Variants in IQSEC1 observed in about 807,000 individuals in gnomAD.
IQSEC1 encodes the protein IQ motif and Sec7 domain ArfGEF 1.
Under a neutral mutation model 91.0 loss-of-function variants are expected in IQSEC1, and 31 were observed. The ratio of observed to expected loss-of-function variants is 0.34; its 90% CI spans 0.26 to 0.46. The LOEUF is 0.46. Among genes scored for constraint, IQSEC1 ranks in the 20% least tolerant of loss-of-function variants. IQSEC1 has a pLI of 1.00. For missense variants in IQSEC1, 1,388 were observed against 1,575.6 expected, an observed-to-expected ratio of 0.88 and a Z score of 2.02; for synonymous variants, 699 against 662.6, an observed-to-expected ratio of 1.05 and a Z score of -0.84.
At chr3:13,128,091 A>G (rs1449529461) in intron 2 of IQSEC1, among the ~76,000 whole-genome samples, 3 of 152,122 alleles carry the variant, frequency 2.0e-5, no homozygotes, top group East Asian at 1.9e-4. Context: ...TTTTCATTGT[A>G]GATAATTGTG....
At chr3:12,965,866 T>A (rs1390049284) in intron 1 of IQSEC1, among the ~76,000 whole-genome samples, 5 of 152,170 alleles carry the variant, frequency 3.3e-5, no homozygotes, top group Non-Finnish European at 7.3e-5. Flanking sequence ...TGTTCCCCAC[T>A]AGACTGCTGG....
chr3:13,035,234 C>T (rs1703991640), intron 1 of IQSEC1, among the ~76,000 whole-genome samples: 1 of 152,238 alleles, frequency 6.6e-6, no homozygotes, highest in African/African-American at 2.4e-5. Flanking sequence ...CCCCTGACCT[C>T]CTAAGAGTGG....
intron 1 of IQSEC1, among the ~76,000 whole-genome samples, chr3:13,041,826 G>T (rs1401834576): frequency 2.6e-5 from 4 of 152,228 alleles, no homozygotes; most frequent in Admixed American, 2.6e-4. Context: ...GAAAGGGACT[G>T]AACTTCGGGC....
At chr3:13,217,462 G>A (rs1694572451) in intron 1 of IQSEC1, among the ~76,000 whole-genome samples, 2 of 152,168 alleles carry the variant, frequency 1.3e-5, no homozygotes, top group African/African-American at 2.4e-5. Flanking sequence ...GTAGTCCACT[G>A]TGTGGAAGTA....
At chr3:12,988,829 A>G (rs1576122353) in intron 1 of IQSEC1, among the ~76,000 whole-genome samples, 1 of 152,342 alleles carries the variant, frequency 6.6e-6, no homozygotes, top group Admixed American at 6.5e-5. Flanking sequence ...ATAGAAAGGT[A>G]CATGTGATAA....
At chr3:12,942,732 T>C (rs1698869964) in intron 1 of IQSEC1, among the ~76,000 whole-genome samples, 1 of 152,258 alleles carries the variant, frequency 6.6e-6, no homozygotes, top group African/African-American at 2.4e-5. Flanking sequence ...GTTGAAGCCC[T>C]GGCCCCCACC....
At chr3:13,084,768 C>T (rs962133134) in intron 2 of IQSEC1, among the ~76,000 whole-genome samples, 7 of 152,142 alleles carry the variant, frequency 4.6e-5, no homozygotes, top group Non-Finnish European at 1.0e-4. Flanking sequence ...GATCATTGGC[C>T]GTAGTAACCA....
chr3:13,094,465 G>A (rs1425122264), intron 2 of IQSEC1, among the ~76,000 whole-genome samples: 1 of 152,130 alleles, frequency 6.6e-6, no homozygotes, highest in Admixed American at 6.5e-5. Flanking sequence ...AACCACAGAG[G>A]CTGGCGAGAT....
intron 2 of IQSEC1, among the ~76,000 whole-genome samples, chr3:13,159,917 C>T (rs1449692616): frequency 6.6e-6 from 1 of 152,196 alleles, no homozygotes; most frequent in Non-Finnish European, 1.5e-5. Flanking sequence ...AACCTCTTCT[C>T]TTCCTATGGT....
At chr3:12,913,069 C>T (rs1012396342) in intron 9 of IQSEC1, among the ~76,000 whole-genome samples, 1 of 152,236 alleles carries the variant, frequency 6.6e-6, no homozygotes, top group Non-Finnish European at 1.5e-5. Context: ...GCTCAGCAGA[C>T]AGGATCAGGT....
intron 1 of IQSEC1, among the ~76,000 whole-genome samples, chr3:13,180,277 C>T (rs1209724309): frequency 1.3e-5 from 2 of 152,180 alleles, no homozygotes; most frequent in Non-Finnish European, 2.9e-5. Context: ...GTAAACACAC[C>T]AATCAGCACC....
At chr3:13,084,130 A>G (rs956434776) in intron 2 of IQSEC1, among the ~76,000 whole-genome samples, 3 of 152,124 alleles carry the variant, frequency 2.0e-5, no homozygotes, top group Non-Finnish European at 4.4e-5. Flanking sequence ...AAAAGAAGAG[A>G]ACTCAGCTGG....
At chr3:13,272,352 T>C (rs540255659) in intron 1 of IQSEC1, among the ~76,000 whole-genome samples, 13 of 152,218 alleles carry the variant, frequency 8.5e-5, no homozygotes, top group Non-Finnish European at 1.9e-4. Flanking sequence ...CGGCAACCCC[T>C]CACATTCCAT....
chr3:13,244,030 T>C (rs534200136), intron 1 of IQSEC1, among the ~76,000 whole-genome samples: 1 of 152,032 alleles, frequency 6.6e-6, no homozygotes, highest in South Asian at 2.1e-4. Flanking sequence ...GAGCGCCTGC[T>C]CTGTGCCAGG....
At chr3:13,257,961 C>T (rs1371471809) in intron 1 of IQSEC1, among the ~76,000 whole-genome samples, 1 of 152,208 alleles carries the variant, frequency 6.6e-6, no homozygotes, top group Non-Finnish European at 1.5e-5. Context: ...TGTGCTACAT[C>T]CAGACAATGG....
chr3:13,220,226 T>C (rs922433058), intron 1 of IQSEC1, among the ~76,000 whole-genome samples: 2 of 152,250 alleles, frequency 1.3e-5, no homozygotes, highest in African/African-American at 4.8e-5. Context: ...AGAGCCAGCC[T>C]GGCCCCTCCA....
rs539119741 is a variant in IQSEC1 at position 13,068,425 on chromosome 3, G to A, written c.23+4567C>T. ...GGTATACAACGGGGAGCAGGCCTGG[G>A]CCCTGGCCTTGCAAAGGGGCAGAGG... is the stretch of plus-strand genomic sequence containing the variant. On this transcript the variant is annotated intron_variant, in intron 1 of 13. Transcript: ENST00000613206. Among the ~76,000 whole-genome samples the A allele has an allele frequency of 2.0e-5, 3 of 152,336 alleles. No individual in the cohort carries two copies. The South Asian group carries it at 6.2e-4, about 32-fold the overall frequency.
At chr3:13,061,581 C>T (rs964852603) in intron 1 of IQSEC1, among the ~76,000 whole-genome samples, 3 of 152,092 alleles carry the variant, frequency 2.0e-5, no homozygotes, top group African/African-American at 7.2e-5. Context: ...CCTAACATAC[C>T]GAGCCCATGA....
Position 12,967,768 on chromosome 3 carries a change from T to TGGGGGC in IQSEC1, c.24-25909_24-25904dup. 1.2e-6 allele frequency: 1 copy of TGGGGGC among 842,024 alleles called. No homozygotes were observed. The highest frequency in any genetic ancestry group is 1.4e-6 in the Non-Finnish European group (1 of 694,420). 52.2% of individuals were successfully genotyped at this position (842,024 alleles called of 1,614,324 possible). A position where few individuals can be genotyped will look rare whatever the true frequency, so the allele number is the denominator to read the frequency against. ...GCGGGGGCGGGGCCGGAGGGCGAGC[T>TGGGGGC]GGGGGCGGGGCCGGAGGGCGAGCTG... On this transcript the variant is annotated intron_variant, in intron 1 of 13. Coordinates refer to ENST00000613206, the MANE Select transcript of IQSEC1 (RefSeq NM_001134382.3). This position sits in a 1 kb window ranked among gnomAD's most constrained non-coding sequence, Gnocchi z 5.9.
Sources: allele counts gnomAD v4.1 joint callset (sites outside exome capture counted in the v4.1 genomes callset), GRCh38; gene constraint gnomAD v4.1.1; non-coding constraint Gnocchi (gnomAD v3.1); transcripts MANE v1.5; gene names NCBI Gene and HGNC (gene_info 2026-07-23, HGNC 2026-07-21).